The following RUBCN variants were observed in gnomAD, a reference collection of about 807,000 sequenced individuals.
RUBCN encodes the protein rubicon autophagy regulator.
In RUBCN, 74 loss-of-function variants were observed where a neutral mutation model predicts 113.2. The ratio of observed to expected loss-of-function variants is 0.65; its 90% CI spans 0.54 to 0.79. The LOEUF (loss-of-function observed/expected upper bound fraction) is 0.79, where lower values mean the gene tolerates loss of function less well. Among genes scored for constraint, RUBCN ranks in the 30% least tolerant of loss-of-function variants. RUBCN has a pLI of 0.00. For synonymous variants in RUBCN, 480 were observed against 490.0 expected (o/e 0.98, Z 0.27); for missense variants, 1,109 against 1,251.7 (o/e 0.89, Z 1.72).
Position 197,681,739 on chromosome 3 carries a change from C to A in RUBCN, c.2191+96G>T. On this transcript the variant is annotated intron_variant, in intron 15 of 19. Transcript: ENST00000296343. This position sits in a 1 kb window ranked among gnomAD's most constrained non-coding sequence, Gnocchi z 5.5. The stretch of plus-strand genomic sequence containing the variant: ...CTCCTTCCCTACTTCTGCCACGCCA[C>A]CTCCTGCTACCGCCTTTGACACGCC... 1 of 1,106,150 alleles carries A rather than the reference C, an allele frequency of 9.0e-7. No homozygotes were observed. Among genetic ancestry groups the A allele is most frequent in the Non-Finnish European group, 1.4e-6 (1 of 718,580 alleles). 68.5% of individuals were successfully genotyped at this position (1,106,150 alleles called of 1,614,324 possible).
At chr3:197,712,767 T>TA (rs902676148) in intron 2 of RUBCN, among the ~76,000 whole-genome samples, 1 of 151,596 alleles carries the variant, frequency 6.6e-6, no homozygotes, top group Non-Finnish European at 1.5e-5. Context: ...TAAAAACAAA[T>TA]AAAAAAATTA....
intron 16 of RUBCN, among the ~76,000 whole-genome samples, chr3:197,679,466 C>T (rs1344869448): frequency 3.5e-5 from 5 of 143,020 alleles, no homozygotes; most frequent in Admixed American, 6.8e-5. Context: ...ACAACTGGCT[C>T]CAGACTGTCC....
chr3:197,675,672 C>G lies in RUBCN; in HGVS notation c.2647-157G>C, dbSNP rs1454494493. Among the ~76,000 whole-genome samples the G allele has an allele frequency of 6.6e-6, 1 of 151,000 alleles. No homozygotes were observed. The highest frequency in any genetic ancestry group is 1.5e-5 in the Non-Finnish European group (1 of 67,538). On this transcript the variant is annotated intron_variant, in intron 18 of 19. Coordinates refer to ENST00000296343, the MANE Select transcript of RUBCN (RefSeq NM_014687.4). The surrounding 1 kb of genome is among the most constrained non-coding windows in gnomAD (Gnocchi z 4.4). ...AGAAGCATGAAAGCTAAACTAGGAC[C>G]AGGGCCGGGCAGCGTTAGACAAAGC... is the stretch of plus-strand genomic sequence containing the variant.
rs752343680 is a variant in RUBCN at position 197,699,368 on chromosome 3, C to T, written c.1261+1245G>A. 36 of 626,848 alleles carry T rather than the reference C, an allele frequency of 5.7e-5. 1 individual carries two copies. In the East Asian group the frequency reaches 6.4e-4, roughly 11 times the overall value. 38.8% of individuals were successfully genotyped at this position (626,848 alleles called of 1,614,324 possible). Reference sequence around the variant, plus strand: ...AAGAGGAAACCCCAGTTGTGAAGGACGGATGGCTTGTCCAAGAAGCTGTGC... The same window carrying T: ...AAGAGGAAACCCCAGTTGTGAAGGATGGATGGCTTGTCCAAGAAGCTGTGC... On this transcript the variant is annotated intron_variant, in intron 7 of 19. Transcript: ENST00000296343.
At position 197,670,154 on chromosome 3, in the gene RUBCN, T is replaced by C. The variant is rs1271198874; in HGVS notation, c.*4864A>G. On this transcript the variant is annotated 3_prime_UTR_variant, in exon 20 of 20. Transcript: ENST00000296343. ...CGCCCGCCTCGGCCTCCCAAAGTGC[T>C]GGGATTACAGGCGTGAGCCACTGTG... Among the ~76,000 whole-genome samples the C allele has an allele frequency of 2.6e-5, 4 of 152,240 alleles. No individual in the cohort carries two copies. The highest frequency in any genetic ancestry group is 9.6e-5 in the African/African-American group (4 of 41,468).
At chr3:197,682,656 G>A (rs1021281209) in intron 13 of RUBCN, 41 bp from the exon 14 acceptor site, 4 of 1,602,784 alleles carry the variant, frequency 2.5e-6, no homozygotes, top group African/African-American at 2.7e-5. Flanking sequence ...TCGTGTCAGT[G>A]TGCTGCCCGT....
chr3:197,746,105 C>A (rs909857660), intron 1 of RUBCN, among the ~76,000 whole-genome samples: 1 of 152,144 alleles, frequency 6.6e-6, no homozygotes, highest in Non-Finnish European at 1.5e-5. Context: ...AAAAGACTCC[C>A]AGTTAAACCT....
upstream of RUBCN, chr3:197,736,931 G>T: frequency 7.4e-7 from 1 of 1,344,452 alleles, no homozygotes; most frequent in Admixed American, 4.0e-5. Context: ...GGGGACTACA[G>T]CCCCCGGCGA....
Position 197,671,300 on chromosome 3 carries a change from A to C in RUBCN, c.*3718T>G, listed in dbSNP as rs1719769041. The C allele has an allele frequency of 6.6e-6, 1 of 152,148 alleles. No homozygotes were observed. Among genetic ancestry groups the C allele is most frequent in the Non-Finnish European group, 1.5e-5 (1 of 68,032 alleles). 9.4% of individuals were successfully genotyped at this position (152,148 alleles called of 1,614,324 possible). ...AAGTACTGGATGACACTCGTGAGCC[A>C]CCGCGCCCGGCTCCTCATCCCACAA... On this transcript the variant is annotated 3_prime_UTR_variant, in exon 20 of 20. Coordinates refer to ENST00000296343, the MANE Select transcript of RUBCN (RefSeq NM_014687.4).
At chr3:197,734,725 C>T (rs987198045) in intron 1 of RUBCN, among the ~76,000 whole-genome samples, 3 of 152,104 alleles carry the variant, frequency 2.0e-5, no homozygotes, top group Non-Finnish European at 2.9e-5. Flanking sequence ...CAAAACAATC[C>T]TAAAACGTGT....
In RUBCN at chr3:197,701,046, G is replaced by C. The variant is rs200274445; in HGVS notation, c.828C>G (p.Pro276=). 36 of 1,613,794 alleles carry C rather than the reference G, an allele frequency of 2.2e-5. No homozygotes were observed. The highest frequency in any genetic ancestry group is 2.8e-5 in the Non-Finnish European group (33 of 1,179,894). ...SPAEDQTIQA[P]PVSVSALARD... ...TGGCTAGTGCAGAGACTGAAACTGG[G>C]GGGGCTTGGATGGTTTGATCCTCTG... Residue 276 remains proline, a synonymous_variant, in exon 7 of 20, where the codon CCC becomes CCG. Coordinates refer to ENST00000296343, the MANE Select transcript of RUBCN (RefSeq NM_014687.4).
chr3:197,682,746 G>A, intron 13 of RUBCN, 131 bp from the exon 14 acceptor site: 1 of 1,210,006 alleles, frequency 8.3e-7, no homozygotes, highest in Non-Finnish European at 1.2e-6. Flanking sequence ...ACGGGCTTGA[G>A]AAACAGAAAT....
At chr3:197,703,864 T>C (rs146181630) in intron 4 of RUBCN, among the ~76,000 whole-genome samples, 191 of 152,302 alleles carry the variant, frequency 1.3e-3, no homozygotes, top group Middle Eastern at 3.4e-3. Flanking sequence ...ATTTGAATCC[T>C]GGCTCTGAGT....
chr3:197,715,522 T>C (rs1407330655), intron 2 of RUBCN, among the ~76,000 whole-genome samples: 1 of 150,404 alleles, frequency 6.6e-6, no homozygotes, highest in Non-Finnish European at 1.5e-5. Flanking sequence ...TTCCTCCTCA[T>C]CATAGCACAT....
intron 7 of RUBCN, among the ~76,000 whole-genome samples, 190 bp from the exon 8 acceptor site, chr3:197,697,239 C>A (rs995385761): frequency 1.3e-5 from 2 of 152,148 alleles, no homozygotes; most frequent in South Asian, 4.2e-4. Flanking sequence ...CAGGTCAGTA[C>A]ATTCTAAGTG....
At chr3:197,703,084 C>A (rs1316475973) in intron 5 of RUBCN, among the ~76,000 whole-genome samples, 2 of 152,014 alleles carry the variant, frequency 1.3e-5, no homozygotes, top group African/African-American at 4.8e-5. Context: ...CTTAACAGTA[C>A]CTCCCCTCCT....
chr3:197,678,955 C>T (rs72501929), intron 16 of RUBCN, among the ~76,000 whole-genome samples: 9,553 of 149,566 alleles, frequency 0.064, 387 homozygotes, highest in Non-Finnish European at 0.09. Flanking sequence ...TCCAGACTGT[C>T]GTATGCTCTA....
chr3:197,681,704 A>G lies in RUBCN; in HGVS notation c.2191+131T>C, dbSNP rs952180013. On this transcript the variant is annotated intron_variant, in intron 15 of 19. Transcript: ENST00000296343. This position sits in a 1 kb window ranked among gnomAD's most constrained non-coding sequence, Gnocchi z 5.5. Reference sequence around the variant, plus strand: ...TTGCCAGCACTCTTGCCTACTACGAACCTTTCTTTCTCCTTCCCTACTTCT... The same window carrying G: ...TTGCCAGCACTCTTGCCTACTACGAGCCTTTCTTTCTCCTTCCCTACTTCT... The G allele has an allele frequency of 1.2e-5, 10 of 802,194 alleles. No homozygotes were observed. The highest frequency in any genetic ancestry group is 2.2e-5 in the Non-Finnish European group (10 of 459,776). The allele number at this position is 802,194 out of a possible 1,614,324, so 49.7% of individuals were successfully genotyped here. A position where few individuals can be genotyped will look rare whatever the true frequency, so the allele number is the denominator to read the frequency against.
intron 1 of RUBCN, among the ~76,000 whole-genome samples, chr3:197,745,284 CA>C (rs35402850): frequency 2.5e-4 from 35 of 137,614 alleles, no homozygotes; most frequent in Middle Eastern, 4.0e-3. Context: ...GATGCTGTCT[CA>C]AAAAAAAAAA....
Sources: gnomAD v4.1 joint callset for allele counts (sites outside exome capture counted in the v4.1 genomes callset) on GRCh38, gnomAD v4.1.1 for gene constraint, Gnocchi (gnomAD v3.1) non-coding constraint, MANE v1.5 for transcripts, NCBI Gene and HGNC (gene_info 2026-07-23, HGNC 2026-07-21) for gene names.